Variants in PAX7 observed in about 807,000 individuals in gnomAD.
PAX7 encodes paired box 7.
In PAX7, 18 loss-of-function variants were observed where a neutral mutation model predicts 50.7. The ratio of observed to expected loss-of-function variants is 0.36; its 90% CI spans 0.25 to 0.53. The LOEUF is 0.53. Ranked by LOEUF, PAX7 falls within the 20% of genes least tolerant of loss-of-function variation. The probability of loss-of-function intolerance (pLI) is 0.93; values close to 1 mark genes in which losing one functional copy is unlikely to be tolerated. For synonymous variants in PAX7, 310 were observed against 290.4 expected (o/e 1.07, Z -0.69); for missense variants, 644 against 702.9 (o/e 0.92, Z 0.95).
chr1:18,704,653 A>G (rs1473590126), intron 7 of PAX7, among the ~76,000 whole-genome samples: 1 of 152,074 alleles, frequency 6.6e-6, no homozygotes, highest in Non-Finnish European at 1.5e-5. Context: ...AAGAGAGACC[A>G]TGTGGTCCAC....
chr1:18,721,429 C>G (rs1229147235), intron 7 of PAX7, among the ~76,000 whole-genome samples: 1 of 152,208 alleles, frequency 6.6e-6, no homozygotes, highest in East Asian at 1.9e-4. Context: ...CTGGTTCCTC[C>G]CTCTCCCTCG....
At chr1:18,658,576 C>T (rs536246290) in intron 4 of PAX7, among the ~76,000 whole-genome samples, 4 of 152,216 alleles carry the variant, frequency 2.6e-5, no homozygotes, top group African/African-American at 7.2e-5. Context: ...CAACTCTAGG[C>T]CTGGCCCACT....
At chr1:18,673,294 T>G (rs2088778687) in intron 4 of PAX7, among the ~76,000 whole-genome samples, 1 of 152,202 alleles carries the variant, frequency 6.6e-6, no homozygotes, top group Admixed American at 6.5e-5. Flanking sequence ...AAGAGCGTCA[T>G]AGACACCCGT....
chr1:18,736,580 A>G (rs562174004), intron 8 of PAX7, among the ~76,000 whole-genome samples: 7 of 152,214 alleles, frequency 4.6e-5, no homozygotes, highest in Non-Finnish European at 1.0e-4. Context: ...ATATATAATT[A>G]TTGAGATATT....
chr1:18,637,201 C>T (rs569076199), intron 4 of PAX7, among the ~76,000 whole-genome samples: 6 of 152,260 alleles, frequency 3.9e-5, no homozygotes, highest in African/African-American at 1.4e-4. Context: ...GGGGATTGTG[C>T]TTTTGTTTCT....
At chr1:18,704,119 C>G (rs2089255923) in intron 7 of PAX7, among the ~76,000 whole-genome samples, 1 of 152,200 alleles carries the variant, frequency 6.6e-6, no homozygotes, top group African/African-American at 2.4e-5. Flanking sequence ...CTGGCCCTCC[C>G]AGTGTCAGGA....
chr1:18,703,835 G>T (rs2089253021), intron 7 of PAX7, among the ~76,000 whole-genome samples: 1 of 152,166 alleles, frequency 6.6e-6, no homozygotes, highest in African/African-American at 2.4e-5. Flanking sequence ...CATGTCTGTG[G>T]TGAGAATCCA....
chr1:18,732,119 G>A (rs1419949441), intron 7 of PAX7, among the ~76,000 whole-genome samples: 1 of 152,142 alleles, frequency 6.6e-6, no homozygotes, highest in Non-Finnish European at 1.5e-5. Context: ...TGGTCTTGCT[G>A]GATATCACAT....
In PAX7 at chr1:18,644,257, G is replaced by A. The variant is rs550795032; in HGVS notation, c.586+7886G>A. On this transcript the variant is annotated intron_variant, in intron 4 of 8. Coordinates refer to ENST00000420770, the MANE Select transcript of PAX7 (RefSeq NM_001135254.2). ...TTGCTCTCCATCCGAACCCAGGTGT[G>A]CCAGGCTGGAGCAATCTGAGAGGGG... Among the ~76,000 whole-genome samples, 3 of 152,322 alleles carry A rather than the reference G, an allele frequency of 2.0e-5. No individual in the cohort carries two copies. In the South Asian group the frequency reaches 6.2e-4, roughly 32 times the overall value.
chr1:18,737,166 G>A (rs1368238377), intron 8 of PAX7, among the ~76,000 whole-genome samples: 3 of 152,262 alleles, frequency 2.0e-5, no homozygotes, highest in Non-Finnish European at 4.4e-5. Context: ...GGAGCCAGAG[G>A]TCATGGGTCA....
chr1:18,747,301 C>A lies in PAX7; in HGVS notation c.*2372C>A, dbSNP rs1184477704. ...ATCTGGTCCCGATGGTGAAATGGAA[C>A]AAAGACCTGCTTGGGAATAAACCAA... On this transcript the variant is annotated 3_prime_UTR_variant, in exon 9 of 9. Transcript: ENST00000420770. 24 of 229,416 alleles carry A rather than the reference C, an allele frequency of 1.0e-4. No individual in the cohort carries two copies. In the Admixed American group the frequency reaches 1.4e-3, roughly 13 times the overall value. 14.2% of individuals were successfully genotyped at this position (229,416 alleles called of 1,614,324 possible). A position where few individuals can be genotyped will look rare whatever the true frequency, so the allele number is the denominator to read the frequency against.
chr1:18,649,153 A>C (rs1351762264), intron 4 of PAX7, among the ~76,000 whole-genome samples: 1 of 152,136 alleles, frequency 6.6e-6, no homozygotes, highest in East Asian at 1.9e-4. Flanking sequence ...AGAGGGAGTG[A>C]CATGAGTGAG....
intron 7 of PAX7, among the ~76,000 whole-genome samples, chr1:18,721,391 G>A (rs75727062): frequency 0.018 from 2,717 of 152,272 alleles, 69 homozygotes; most frequent in African/African-American, 0.062. Flanking sequence ...GGTGTGCAGC[G>A]CAGGGACTGA....
chr1:18,631,415 GCTTCT>G lies in PAX7; in HGVS notation c.-188_-184del. Reference sequence around the variant, plus strand: ...CCACCCCACCTCACCCCCCTCCCCAGCTTCTGGACGCGTTTGACTGCAGCCAGGGG... The same window carrying G: ...CCACCCCACCTCACCCCCCTCCCCAGGGACGCGTTTGACTGCAGCCAGGGG... On this transcript the variant is annotated 5_prime_UTR_variant, in exon 1 of 9. Coordinates refer to ENST00000420770, the MANE Select transcript of PAX7 (RefSeq NM_001135254.2). 1 of 592,750 alleles carries G rather than the reference GCTTCT, an allele frequency of 1.7e-6. No homozygotes were observed. Among genetic ancestry groups the G allele is most frequent in the Non-Finnish European group, 3.0e-6 (1 of 329,374 alleles). 36.7% of individuals were successfully genotyped at this position (592,750 alleles called of 1,614,324 possible).
intron 7 of PAX7, among the ~76,000 whole-genome samples, chr1:18,715,634 A>G (rs1164568470): frequency 6.6e-6 from 1 of 152,166 alleles, no homozygotes; most frequent in Non-Finnish European, 1.5e-5. Context: ...AATCCCCAGC[A>G]TTGTCACTTC....
intron 4 of PAX7, among the ~76,000 whole-genome samples, chr1:18,639,315 G>A (rs961815660): frequency 6.6e-6 from 1 of 152,064 alleles, no homozygotes; most frequent in Non-Finnish European, 1.5e-5. Flanking sequence ...AGATTAAATT[G>A]AGCTTTTATT....
At position 18,632,922 on chromosome 1, in the gene PAX7, A is replaced by T. The variant is rs1424987604; in HGVS notation, c.85+1234A>T. 1.3e-5 allele frequency among the ~76,000 whole-genome samples: 2 copies of T among 152,228 alleles called. No individual in the cohort carries two copies. Among genetic ancestry groups the T allele is most frequent in the African/African-American group, 2.4e-5 (1 of 41,474 alleles). On this transcript the variant is annotated intron_variant, in intron 1 of 8. Coordinates refer to ENST00000420770, the MANE Select transcript of PAX7 (RefSeq NM_001135254.2). The surrounding 1 kb of genome is among the most constrained non-coding windows in gnomAD (Gnocchi z 6.3). ...CGAATGCAAGTAAAACAGGCGGCTG[A>T]GGACGCGCGGCGGATTAGAACAATA...
rs760844061 is a variant in PAX7 at position 18,735,850 on chromosome 1, C to T, written c.1374C>T (p.Ala458=). 1.6e-5 allele frequency: 26 copies of T among 1,614,116 alleles called. No homozygotes were observed. Among genetic ancestry groups the T allele is most frequent in the South Asian group, 5.5e-5 (5 of 91,078 alleles). Reference sequence around the variant, plus strand: ...CCGGCTACAGCGTGGACCCCGTGGCCGGCTATCAGTACGGCCAGTACGGCC... The same window carrying T: ...CCGGCTACAGCGTGGACCCCGTGGCTGGCTATCAGTACGGCCAGTACGGCC... ...STTGYSVDPV[A]GYQYGQYGQT... The change falls in exon 8 of 9, where the codon GCC becomes GCT. Residue 458 remains alanine (A), a synonymous_variant. Coordinates refer to ENST00000420770, the MANE Select transcript of PAX7 (RefSeq NM_001135254.2). The surrounding 1 kb of genome is among the most constrained non-coding windows in gnomAD (Gnocchi z 4.0).
At chr1:18,744,429 A>T (rs530635797) in intron 8 of PAX7, among the ~76,000 whole-genome samples, 1 of 60,506 alleles carries the variant, frequency 1.7e-5, no homozygotes, top group African/African-American at 1.1e-4. Flanking sequence ...GATAGATGGA[A>T]GGATGGATGG....
Sources: allele counts gnomAD v4.1 joint callset (sites outside exome capture counted in the v4.1 genomes callset), GRCh38; gene constraint gnomAD v4.1.1; non-coding constraint Gnocchi (gnomAD v3.1); transcripts MANE v1.5; gene names NCBI Gene and HGNC (gene_info 2026-07-23, HGNC 2026-07-21).